Variants in SSBP3 observed in about 807,000 individuals in gnomAD.
SSBP3 encodes single stranded DNA binding protein 3, also known as single-stranded DNA-binding protein 3.
In SSBP3, 5 loss-of-function variants were observed where a neutral mutation model predicts 69.6. The observed-to-expected ratio is 0.07, with a 90% confidence interval of 0.04 to 0.15. SSBP3 has a LOEUF of 0.15. Ranked by LOEUF, SSBP3 falls within the 10% of genes least tolerant of loss-of-function variation. The probability of loss-of-function intolerance (pLI) is 1.00; values close to 1 mark genes in which losing one functional copy is unlikely to be tolerated. For missense variants in SSBP3, 312 were observed against 534.0 expected (o/e 0.58, Z 4.10); for synonymous variants, 196 against 193.4 (o/e 1.01, Z -0.11).
At chr1:54,338,461 C>T (rs1407437035) in intron 4 of SSBP3, among the ~76,000 whole-genome samples, 4 of 152,166 alleles carry the variant, frequency 2.6e-5, no homozygotes, top group African/African-American at 9.7e-5. Context: ...GCCTATGCTT[C>T]CCGCCCTCTC....
At chr1:54,235,405 C>T (rs892302492) in intron 14 of SSBP3, among the ~76,000 whole-genome samples, 8 of 149,952 alleles carry the variant, frequency 5.3e-5, no homozygotes, top group Admixed American at 2.0e-4. Flanking sequence ...ACTCAGCCTC[C>T]TGAGTAGCTG....
chr1:54,305,218 C>T lies in SSBP3; in HGVS notation c.277-23691G>A, dbSNP rs1021557923. Among the ~76,000 whole-genome samples the T allele has an allele frequency of 2.0e-5, 3 of 152,178 alleles. 1 individual carries two copies. The highest frequency in any genetic ancestry group is 4.1e-4 in the South Asian group (2 of 4,828). On this transcript the variant is annotated intron_variant, in intron 4 of 17. Coordinates refer to ENST00000610401, the Ensembl canonical transcript of SSBP3. ...ACCCTTTACTGCCCAGGGCCTATGA[C>T]GAGGAATAAAGACATTCAGTAGCTG...
chr1:54,243,056 C>A, intron 10 of SSBP3, 179 bp downstream of exon 10: 1 of 652,814 alleles, frequency 1.5e-6, no homozygotes, highest in East Asian at 2.6e-5. Context: ...CACACAGAGG[C>A]ACTCTATGAG....
intron 4 of SSBP3, among the ~76,000 whole-genome samples, chr1:54,367,289 T>C (rs920938016): frequency 1.2e-4 from 19 of 152,076 alleles, no homozygotes; most frequent in African/African-American, 4.6e-4. Context: ...ATACCAGCCA[T>C]CGTTTTGGAG....
exon 18 of SSBP3, chr1:54,225,972 G>A (rs1644278947): frequency 6.6e-6 from 1 of 152,268 alleles, no homozygotes; most frequent in Non-Finnish European, 1.5e-5. Flanking sequence ...TTTGAGAAAG[G>A]ACGAATAAAG....
chr1:54,249,433 G>A (rs756765357), intron 9 of SSBP3, among the ~76,000 whole-genome samples: 6 of 152,286 alleles, frequency 3.9e-5, no homozygotes, highest in Non-Finnish European at 5.9e-5. Context: ...GGTGGCTCAC[G>A]CCTATAATCC....
At chr1:54,284,978 G>C (rs1309337393) in intron 4 of SSBP3, among the ~76,000 whole-genome samples, 2 of 152,132 alleles carry the variant, frequency 1.3e-5, no homozygotes, top group Non-Finnish European at 2.9e-5. Flanking sequence ...CTGAAATGTG[G>C]GGTGGAAGAT....
At chr1:54,351,368 AG>A (rs1178038443) in intron 4 of SSBP3, among the ~76,000 whole-genome samples, 2 of 152,096 alleles carry the variant, frequency 1.3e-5, no homozygotes, top group African/African-American at 4.8e-5. Flanking sequence ...CCCATTCCCA[AG>A]GTTACCGGAA....
At chr1:54,343,649 G>C (rs1269973339) in intron 4 of SSBP3, among the ~76,000 whole-genome samples, 1 of 152,220 alleles carries the variant, frequency 6.6e-6, no homozygotes, top group Admixed American at 6.5e-5. Flanking sequence ...GCAGTGTTCA[G>C]AGAGGAGGGC....
At chr1:54,320,861 C>T (rs538519948) in intron 4 of SSBP3, among the ~76,000 whole-genome samples, 13 of 152,216 alleles carry the variant, frequency 8.5e-5, no homozygotes, top group South Asian at 8.3e-4. Context: ...GCATACGGTA[C>T]GCATTCAACC....
At chr1:54,378,438 G>A (rs557855731) in intron 4 of SSBP3, among the ~76,000 whole-genome samples, 1 of 152,188 alleles carries the variant, frequency 6.6e-6, no homozygotes, top group Non-Finnish European at 1.5e-5. Flanking sequence ...AGGACAAAGA[G>A]GGGCTGTGGT....
upstream of SSBP3, among the ~76,000 whole-genome samples, chr1:54,409,507 G>C (rs1023942255): frequency 5.3e-5 from 8 of 151,306 alleles, no homozygotes; most frequent in African/African-American, 1.9e-4. Context: ...CCCAGGGACC[G>C]AGAGAGAGAG....
chr1:54,260,167 A>T (rs1644993575), intron 5 of SSBP3, among the ~76,000 whole-genome samples: 1 of 152,250 alleles, frequency 6.6e-6, no homozygotes, highest in South Asian at 2.1e-4. Flanking sequence ...TAAACAAAAC[A>T]AGATAATTTG....
At chr1:54,364,221 G>A (rs1251696584) in intron 4 of SSBP3, among the ~76,000 whole-genome samples, 1 of 152,198 alleles carries the variant, frequency 6.6e-6, no homozygotes, top group Non-Finnish European at 1.5e-5. Context: ...GCAGAGCTGA[G>A]TAGTTGCAAG....
intron 4 of SSBP3, among the ~76,000 whole-genome samples, chr1:54,357,504 C>T (rs1156782210): frequency 6.6e-6 from 1 of 152,178 alleles, no homozygotes. Flanking sequence ...CCCTGCACAT[C>T]CTTGCCACCT....
intron 4 of SSBP3, among the ~76,000 whole-genome samples, chr1:54,380,930 G>C (rs1647583303): frequency 6.6e-6 from 1 of 151,870 alleles, no homozygotes; most frequent in Non-Finnish European, 1.5e-5. Flanking sequence ...AGACCAGCCG[G>C]GAAAAACACA....
intron 5 of SSBP3, among the ~76,000 whole-genome samples, chr1:54,260,025 T>G (rs911475871): frequency 6.6e-6 from 1 of 152,154 alleles, no homozygotes; most frequent in Non-Finnish European, 1.5e-5. Flanking sequence ...TGGCACTGAT[T>G]AGAGGGTCCC....
chr1:54,369,217 T>G (rs1455526525), intron 4 of SSBP3, among the ~76,000 whole-genome samples: 2 of 92,588 alleles, frequency 2.2e-5, no homozygotes, highest in East Asian at 4.3e-4. Context: ...TCCTCTTGAG[T>G]CGGGGGGGGG....
chr1:54,240,061 T>G (rs1336088819), intron 13 of SSBP3, among the ~76,000 whole-genome samples: 3 of 29,890 alleles, frequency 1.0e-4, no homozygotes, highest in Admixed American at 3.7e-4. Context: ...TGTGTGTGTG[T>G]GTGTGTGTGT....
Sources: gnomAD v4.1 joint callset for allele counts (sites outside exome capture counted in the v4.1 genomes callset) on GRCh38, gnomAD v4.1.1 for gene constraint, MANE v1.5 for transcripts, NCBI Gene and HGNC (gene_info 2026-07-23, HGNC 2026-07-21) for gene names.